The following DHX36 variants were observed in gnomAD, a reference collection of about 807,000 sequenced individuals.
The protein encoded by DHX36 is ATP-dependent DNA/RNA helicase DHX36.
DHX36 carries 50 observed loss-of-function variants against 139.0 expected under a neutral mutation model. That is an observed-to-expected ratio of 0.36 (90% CI 0.29 to 0.46). The LOEUF (loss-of-function observed/expected upper bound fraction) is 0.46, where lower values mean the gene tolerates loss of function less well. Ranked by LOEUF, DHX36 falls within the 20% of genes least tolerant of loss-of-function variation. The probability of loss-of-function intolerance (pLI) is 1.00; values close to 1 mark genes in which losing one functional copy is unlikely to be tolerated. For missense variants in DHX36, 1,024 were observed against 1,211.3 expected, an observed-to-expected ratio of 0.85 and a Z score of 2.29; for synonymous variants, 425 against 401.9, an observed-to-expected ratio of 1.06 and a Z score of -0.69.
At chr3:154,309,483 A>G (rs1712648429) in intron 5 of DHX36, among the ~76,000 whole-genome samples, 170 bp downstream of exon 5, 1 of 152,138 alleles carries the variant, frequency 6.6e-6, no homozygotes, top group Non-Finnish European at 1.5e-5. Context: ...GTTAAGAGAG[A>G]GGTTACTCAA....
rs1559963470 is a variant in DHX36, at chr3:154,324,341, G to A, written c.76C>T (p.Pro26Ser). Residue 26 changes from proline (P) to serine (S), a missense_variant, in exon 1 of 25, where the codon CCA becomes TCA. By Grantham distance (74) the Pro-to-Ser change is moderately conservative. This residue lies in a region of DHX36 where 293 missense variants were observed against 274.4 expected (regional missense o/e 1.07). Transcript: ENST00000496811. ...CGGTTACCTCCATGACCCCCTGCTG[G>A]CCCCCCTCCATAGCCCCCACCGGAG... Reference protein sequence around the residue: ...RSSGGGYGGGPAGGHGGNRGS... With the variant: ...RSSGGGYGGGSAGGHGGNRGS... 6.2e-7 allele frequency: 1 copy of A among 1,606,174 alleles called. No homozygotes were observed. The highest frequency in any genetic ancestry group is 1.7e-5 in the Admixed American group (1 of 59,082).
intron 10 of DHX36, 126 bp from the exon 11 acceptor site, chr3:154,300,822 G>A (rs921546567): frequency 9.0e-6 from 11 of 1,224,350 alleles, no homozygotes; most frequent in Admixed American, 8.4e-5. Context: ...GAGAATTACT[G>A]GGGTAATTAC....
Position 154,293,876 on chromosome 3 carries a change from T to C in DHX36, c.1606-64A>G, listed in dbSNP as rs925352637. ...AACTTCTAATACATTATATTTGTAA[T>C]TAGAGGAATTACCTCAGATACTGTT... On this transcript the variant is annotated intron_variant, in intron 13 of 24. Coordinates refer to ENST00000496811, the MANE Select transcript of DHX36 (RefSeq NM_020865.3). The C allele has an allele frequency of 1.2e-5, 14 of 1,184,500 alleles. No homozygotes were observed. The Admixed American group carries it at 2.3e-4, about 19-fold the overall frequency. The allele number at this position is 1,184,500 out of a possible 1,614,324, so 73.4% of individuals were successfully genotyped here.
At chr3:154,312,852 A>AAT (rs67771264) in intron 3 of DHX36, among the ~76,000 whole-genome samples, 536 of 39,610 alleles carry the variant, frequency 0.014, 2 homozygotes, top group Non-Finnish European at 0.016. Context: ...AAATAATTAA[A>AAT]ATATATATAT....
chr3:154,303,370 C>A lies in DHX36; in HGVS notation c.1176G>T (p.Pro392=), dbSNP rs548385425. ...CATCTTCCAAAAGATATTCCACAAC[C>A]GGAAAGGTAAAACCAGGTATATGTA... The part of the protein sequence containing the change: ...PMIHIPGFTF[P]VVEYLLEDVI... The change falls in exon 9 of 25, where the codon CCG becomes CCT. Residue 392 remains proline (P), a synonymous_variant. Coordinates refer to ENST00000496811, the MANE Select transcript of DHX36 (RefSeq NM_020865.3). The A allele has an allele frequency of 1.2e-6, 2 of 1,606,872 alleles. No individual in the cohort carries two copies. The highest frequency in any genetic ancestry group is 2.7e-5 in the African/African-American group (2 of 74,752).
intron 20 of DHX36, among the ~76,000 whole-genome samples, chr3:154,281,233 T>C (rs1719324633): frequency 6.6e-6 from 1 of 152,132 alleles, no homozygotes; most frequent in African/African-American, 2.4e-5. Context: ...GAAAGACTAA[T>C]AGAATTTTTA....
rs1576888875 is a variant in DHX36 at position 154,324,487 on chromosome 3, T to G, written c.-71A>C. Reference sequence around the variant, plus strand: ...TGGCGTCCGGGCCCGGAAGCCACTGTGCGCCCACTTCCGTTTTGCTTCCGT... The same window carrying G: ...TGGCGTCCGGGCCCGGAAGCCACTGGGCGCCCACTTCCGTTTTGCTTCCGT... On this transcript the variant is annotated 5_prime_UTR_variant, in exon 1 of 25. Transcript: ENST00000496811. 3.5e-6 allele frequency: 5 copies of G among 1,427,382 alleles called. No homozygotes were observed. The East Asian group carries it at 1.3e-4, about 36-fold the overall frequency. The allele number at this position is 1,427,382 out of a possible 1,614,324, so 88.4% of individuals were successfully genotyped here.
intron 5 of DHX36, among the ~76,000 whole-genome samples, chr3:154,308,161 A>C (rs1403221887): frequency 6.6e-6 from 1 of 152,192 alleles, no homozygotes; most frequent in Non-Finnish European, 1.5e-5. Context: ...GCTCTCACTT[A>C]ACCACTACAC....
At chr3:154,288,033 G>A (rs1020206980) in intron 17 of DHX36, among the ~76,000 whole-genome samples, 2 of 150,168 alleles carry the variant, frequency 1.3e-5, no homozygotes, top group African/African-American at 4.9e-5. Context: ...ACTGTTGGGC[G>A]TTATCTACCC....
At position 154,275,718 on chromosome 3, in the gene DHX36, ATTAAT is replaced by A. The variant is rs1719126794; in HGVS notation, c.*448_*452del. 6.5e-6 allele frequency: 1 copy of A among 152,716 alleles called. No homozygotes were observed. Among genetic ancestry groups the A allele is most frequent in the African/African-American group, 2.4e-5 (1 of 41,444 alleles). 9.5% of individuals were successfully genotyped at this position (152,716 alleles called of 1,614,324 possible). A position where few individuals can be genotyped will look rare whatever the true frequency, so the allele number is the denominator to read the frequency against. ...TAAATACTGGACTTTATTACAACAA[ATTAAT>A]TTACTTCCGATAGAAGTTTCATTTT... On this transcript the variant is annotated 3_prime_UTR_variant, in exon 25 of 25. Coordinates refer to ENST00000496811, the MANE Select transcript of DHX36 (RefSeq NM_020865.3).
chr3:154,296,778 G>T (rs1346203088), intron 12 of DHX36, among the ~76,000 whole-genome samples: 18 of 152,124 alleles, frequency 1.2e-4, no homozygotes, highest in East Asian at 1.9e-4. Flanking sequence ...TTATCTAAAG[G>T]ATATGATGAT....
intron 1 of DHX36, among the ~76,000 whole-genome samples, chr3:154,317,883 T>C (rs778077721): frequency 3.9e-5 from 6 of 152,024 alleles, no homozygotes; most frequent in African/African-American, 1.4e-4. Flanking sequence ...AGTACACACA[T>C]ATACAAGTAA....
At chr3:154,324,108 G>A in intron 1 of DHX36, 66 bp downstream of exon 1, 2 of 1,482,476 alleles carry the variant, frequency 1.3e-6, no homozygotes, top group South Asian at 2.7e-5. Context: ...CAAGAAAAAG[G>A]GGGCAGCGGG....
At chr3:154,313,319 G>A (rs992733632) in intron 3 of DHX36, among the ~76,000 whole-genome samples, 2 of 152,030 alleles carry the variant, frequency 1.3e-5, no homozygotes, top group Non-Finnish European at 2.9e-5. Context: ...TGACCATAAC[G>A]AAGATGTGAG....
intron 6 of DHX36, among the ~76,000 whole-genome samples, chr3:154,305,666 C>G (rs1712469825): frequency 1.3e-5 from 2 of 152,154 alleles, no homozygotes; most frequent in Admixed American, 6.5e-5. Context: ...ACTTGAGAGG[C>G]TGAGGTGGGA....
At chr3:154,280,002 G>A (rs1719281825) in intron 22 of DHX36, 1 of 152,044 alleles carries the variant, frequency 6.6e-6, no homozygotes, top group Non-Finnish European at 1.5e-5. Flanking sequence ...CTATTTTAAT[G>A]ATTCAATCAT....
At chr3:154,284,511 G>A in intron 19 of DHX36, 72 bp downstream of exon 19, 1 of 1,320,640 alleles carries the variant, frequency 7.6e-7, no homozygotes, top group South Asian at 1.4e-5. Context: ...GGTTAAATAT[G>A]ATCCTTATTC....
At chr3:154,315,325 TCA>T (rs781654161) in intron 2 of DHX36, 45 bp from the exon 3 acceptor site, 7 of 1,382,430 alleles carry the variant, frequency 5.1e-6, no homozygotes, top group Non-Finnish European at 7.1e-6. Context: ...GATGAGCCAC[TCA>T]AACACTGGAA....
chr3:154,303,194 C>G lies in DHX36; in HGVS notation c.1217+135G>C, dbSNP rs1411733593. On this transcript the variant is annotated intron_variant, in intron 9 of 24. Transcript: ENST00000496811. ...AGCTCCAGGCAATTTTAATGTGCAG[C>G]CAAGTGTGGCTAATTCCCAGAAAAA... 22 of 628,996 alleles carry G rather than the reference C, an allele frequency of 3.5e-5. No individual in the cohort carries two copies. In the Admixed American group the frequency reaches 7.1e-4, roughly 20 times the overall value. 39.0% of individuals were successfully genotyped at this position (628,996 alleles called of 1,614,324 possible). A position where few individuals can be genotyped will look rare whatever the true frequency, so the allele number is the denominator to read the frequency against.
Sources: allele counts gnomAD v4.1 joint callset (sites outside exome capture counted in the v4.1 genomes callset), GRCh38; gene constraint gnomAD v4.1.1; regional missense constraint gnomAD v4.1.1; transcripts MANE v1.5; gene names NCBI Gene and HGNC (gene_info 2026-07-23, HGNC 2026-07-21).